CHLSN: variants seen among roughly 807,000 people sequenced by gnomAD.
The protein encoded by CHLSN is cholesin, also known as protein cholesin.
chr7:1,065,686 G>A, the CHLSN span, among the ~76,000 whole-genome samples: 1 of 152,212 alleles, frequency 6.6e-6, no homozygotes, highest in South Asian at 2.1e-4. Context: ...CGACGGAGGC[G>A]GTCTCCCTTG....
chr7:1,135,822 T>G, the CHLSN span, among the ~76,000 whole-genome samples: 1 of 137,516 alleles, frequency 7.3e-6, no homozygotes, highest in African/African-American at 2.8e-5. Flanking sequence ...TTATATAAAA[T>G]AAATATATAA....
chr7:1,100,610 C>A, the CHLSN span, among the ~76,000 whole-genome samples: 2 of 152,164 alleles, frequency 1.3e-5, no homozygotes, highest in African/African-American at 4.8e-5. Flanking sequence ...CAGCCCCTGC[C>A]TTCCTGGCTC....
chr7:1,041,157 C>T, the CHLSN span, among the ~76,000 whole-genome samples: 1 of 152,240 alleles, frequency 6.6e-6, no homozygotes, highest in Non-Finnish European at 1.5e-5. Context: ...GGCCCCTGCA[C>T]GGCAAGGTGG....
At chr7:1,103,536 T>A in the CHLSN span, among the ~76,000 whole-genome samples, 2 of 152,210 alleles carry the variant, frequency 1.3e-5, no homozygotes, top group Admixed American at 1.3e-4. Flanking sequence ...TTCAACTGTA[T>A]CAGGAGACAT....
the CHLSN span, among the ~76,000 whole-genome samples, chr7:1,080,248 A>G: frequency 6.6e-6 from 1 of 152,270 alleles, no homozygotes; most frequent in Admixed American, 6.5e-5. Flanking sequence ...GAAACCCTGT[A>G]TGTGAACATT....
chr7:1,000,623 T>A, the CHLSN span: 1 of 1,269,448 alleles, frequency 7.9e-7, no homozygotes. Context: ...CCCTGAGAGA[T>A]CGGGGACGCC....
At chr7:1,078,834 C>T in the CHLSN span, among the ~76,000 whole-genome samples, 1 of 152,256 alleles carries the variant, frequency 6.6e-6, no homozygotes, top group Admixed American at 6.5e-5. Context: ...GCAGAGCCTG[C>T]GGCTCACCTG....
the CHLSN span, among the ~76,000 whole-genome samples, chr7:980,916 A>G: frequency 6.6e-6 from 1 of 151,528 alleles, no homozygotes; most frequent in Non-Finnish European, 1.5e-5. Context: ...CTCGATCTCC[A>G]TCTCCTGACC....
chr7:1,019,289 A>G, the CHLSN span, among the ~76,000 whole-genome samples: 1 of 150,704 alleles, frequency 6.6e-6, no homozygotes, highest in Non-Finnish European at 1.5e-5. Flanking sequence ...CTGTGGTTGC[A>G]TGGATCTCTA....
At chr7:986,776 C>T in the CHLSN span, 58 of 1,584,010 alleles carry the variant, frequency 3.7e-5, no homozygotes, top group Middle Eastern at 3.4e-4. Flanking sequence ...GCTATGTGGA[C>T]GCCCTGATCC....
the CHLSN span, among the ~76,000 whole-genome samples, chr7:994,660 A>G: frequency 6.6e-6 from 1 of 151,984 alleles, no homozygotes; most frequent in Non-Finnish European, 1.5e-5. Context: ...GGCTGGTCTC[A>G]AACTCCTGAG....
At chr7:1,094,133 C>G in the CHLSN span, among the ~76,000 whole-genome samples, 1 of 152,246 alleles carries the variant, frequency 6.6e-6, no homozygotes, top group Admixed American at 6.5e-5. Context: ...CGGCCGCGTG[C>G]GAGGCCCAAG....
At chr7:1,041,297 A>G in the CHLSN span, among the ~76,000 whole-genome samples, 2 of 126,916 alleles carry the variant, frequency 1.6e-5, no homozygotes, top group African/African-American at 5.8e-5. Flanking sequence ...GCTGCGGGGA[A>G]GGGGACCTGG....
chr7:1,119,133 A>C, the CHLSN span, among the ~76,000 whole-genome samples: 1 of 152,162 alleles, frequency 6.6e-6, no homozygotes, highest in Non-Finnish European at 1.5e-5. Flanking sequence ...ACACCTGTTA[A>C]TAGGATATTC....
the CHLSN span, among the ~76,000 whole-genome samples, chr7:1,114,533 C>T: frequency 3.9e-5 from 6 of 152,350 alleles, no homozygotes; most frequent in East Asian, 1.9e-4. Context: ...TGGTTGGACA[C>T]GGCTGCCCCC....
the CHLSN span, among the ~76,000 whole-genome samples, chr7:994,226 C>T: frequency 3.3e-5 from 5 of 152,284 alleles, no homozygotes; most frequent in East Asian, 1.9e-4. Context: ...GGCACGATCT[C>T]GGCTCACTGC....
chr7:1,009,758 CT>C, the CHLSN span, among the ~76,000 whole-genome samples: 1 of 152,246 alleles, frequency 6.6e-6, no homozygotes, highest in Non-Finnish European at 1.5e-5. Flanking sequence ...GCTGCCGCCC[CT>C]GAAAGTTCCT....
chr7:1,091,706 T>C, the CHLSN span: 1 of 1,500,420 alleles, frequency 6.7e-7, no homozygotes, highest in Non-Finnish European at 8.9e-7. Context: ...CGGCAAATCT[T>C]GAAAGCTGCA....
the CHLSN span, among the ~76,000 whole-genome samples, chr7:1,122,182 C>T: frequency 1.3e-5 from 2 of 152,246 alleles, no homozygotes; most frequent in African/African-American, 2.4e-5. Flanking sequence ...AGCACCCACG[C>T]CTCTGCCCCT....
Sources: allele counts gnomAD v4.1 joint callset (sites outside exome capture counted in the v4.1 genomes callset), GRCh38; gene constraint gnomAD v4.1.1; transcripts MANE v1.5; gene names NCBI Gene and HGNC (gene_info 2026-07-23, HGNC 2026-07-21).